HEATR6: variants seen among roughly 807,000 people sequenced by gnomAD.
HEATR6 encodes HEAT repeat containing 6.
Under a neutral mutation model 132.8 loss-of-function variants are expected in HEATR6, and 106 were observed. The observed-to-expected ratio is 0.80, with a 90% confidence interval of 0.68 to 0.94. The LOEUF is 0.94. HEATR6 is among the 40% of genes least tolerant of loss of function. The pLI is 0.00. For synonymous variants in HEATR6, 529 were observed against 537.8 expected, an observed-to-expected ratio of 0.98 and a Z score of 0.23; for missense variants, 1,339 against 1,425.1, an observed-to-expected ratio of 0.94 and a Z score of 0.97.
intron 14 of HEATR6, among the ~76,000 whole-genome samples, chr17:60,051,558 G>T (rs1237172677): frequency 6.6e-6 from 1 of 152,160 alleles, no homozygotes; most frequent in African/African-American, 2.4e-5. Context: ...GCAGGGCCTG[G>T]TACACAGTGG....
chr17:60,049,790 T>C (rs1722607794), intron 15 of HEATR6, 88 bp from the exon 16 acceptor site: 2 of 1,448,508 alleles, frequency 1.4e-6, no homozygotes, highest in Non-Finnish European at 1.9e-6. Context: ...TATCTGTGTC[T>C]GAGACCATAA....
intron 11 of HEATR6, among the ~76,000 whole-genome samples, chr17:60,057,985 G>C (rs1445942720): frequency 6.6e-6 from 1 of 152,016 alleles, no homozygotes; most frequent in Non-Finnish European, 1.5e-5. Context: ...TCTCTTCCTT[G>C]GCCAGTATCA....
chr17:60,050,319 C>T (rs1906536154), intron 15 of HEATR6, among the ~76,000 whole-genome samples: 1 of 152,150 alleles, frequency 6.6e-6, no homozygotes, highest in African/African-American at 2.4e-5. Context: ...TTCCAGCCTC[C>T]AGAACTATGA....
chr17:60,041,441 A>AT lies in HEATR6; in HGVS notation c.*2121dup, dbSNP rs948501086. 7.9e-4 allele frequency among the ~76,000 whole-genome samples: 118 copies of AT among 150,312 alleles called. No individual in the cohort carries two copies. The highest frequency in any genetic ancestry group is 1.4e-3 in the African/African-American group (59 of 41,060). ...CACAGTAATAAGCTGTCTATGCCAT[A>AT]TTTTTTTTTTCCTTTTTTGAAAATG... On this transcript the variant is annotated 3_prime_UTR_variant, in exon 20 of 20. Transcript: ENST00000184956.
intron 13 of HEATR6, 122 bp from the exon 14 acceptor site, chr17:60,055,723 A>G: frequency 1.7e-6 from 1 of 592,212 alleles, no homozygotes; most frequent in Non-Finnish European, 2.9e-6. Flanking sequence ...TAACACCTTC[A>G]CTCGAGTGAC....
At position 60,060,081 on chromosome 17, in the gene HEATR6, G is replaced by A; in HGVS notation, c.1432C>T (p.Leu478=). Residue 478 remains leucine (L), a synonymous_variant, in exon 10 of 20, where the codon CTG becomes TTG. Coordinates refer to ENST00000184956, the MANE Select transcript of HEATR6 (RefSeq NM_022070.5). ...TCCAAGATGGCAGATAAAACTTGCA[G>A]AGCACAGGCACGTGTCTGAAATTTC... ...DPSPKTRACA[L]QVLSAILEGS... 1 of 1,613,808 alleles carries A rather than the reference G, an allele frequency of 6.2e-7. No homozygotes were observed. Among genetic ancestry groups the A allele is most frequent in the Non-Finnish European group, 8.5e-7 (1 of 1,179,802 alleles).
intron 9 of HEATR6, 41 bp downstream of exon 9, chr17:60,066,164 AATTT>A: frequency 6.7e-7 from 1 of 1,487,568 alleles, no homozygotes; most frequent in South Asian, 1.2e-5. Context: ...AGGATCTGTA[AATTT>A]TTTCTTCCTA....
chr17:60,069,856 T>C lies in HEATR6; in HGVS notation c.802-8A>G. The C allele has an allele frequency of 3.7e-6, 6 of 1,613,420 alleles. No homozygotes were observed. Among genetic ancestry groups the C allele is most frequent in the Non-Finnish European group, 5.1e-6 (6 of 1,179,794 alleles). ...TCCGTGAAACATGAATTTCTAATAA[T>C]GATGAATAAGGACACACACACACAC... is the stretch of plus-strand genomic sequence containing the variant. On this transcript the variant is annotated splice_polypyrimidine_tract_variant and splice_region_variant and intron_variant, in intron 6 of 19. Coordinates refer to ENST00000184956, the MANE Select transcript of HEATR6 (RefSeq NM_022070.5).
chr17:60,059,919 A>G lies in HEATR6; in HGVS notation c.1594T>C (p.Ser532Pro), dbSNP rs1398940904. The change falls in exon 10 of 20, where the codon TCC (serine) becomes CCC (proline). Residue 532 changes from serine to proline, a missense_variant. Coordinates refer to ENST00000184956, the MANE Select transcript of HEATR6 (RefSeq NM_022070.5). ...ATTATCTGAGTAACGGTCTGTGAGG[A>G]TGACTCCGCCACCAAAGCTAACAAA... ...CLLLALVAESSSQTVTQIIKC... is the reference protein window; with the variant it reads ...CLLLALVAESPSQTVTQIIKC... 2.5e-6 allele frequency: 4 copies of G among 1,613,622 alleles called. No homozygotes were observed. The highest frequency in any genetic ancestry group is 3.4e-6 in the Non-Finnish European group (4 of 1,179,762).
At chr17:60,068,306 T>C (rs72840348) in intron 7 of HEATR6, among the ~76,000 whole-genome samples, 15,315 of 151,948 alleles carry the variant, frequency 0.1, 1,035 homozygotes, top group African/African-American at 0.19. Context: ...AGCCAGTTTC[T>C]TTCTTTCTCC....
intron 14 of HEATR6, among the ~76,000 whole-genome samples, chr17:60,052,783 A>G (rs1906624903): frequency 6.6e-6 from 1 of 152,184 alleles, no homozygotes; most frequent in African/African-American, 2.4e-5. Context: ...TGGAACTGGC[A>G]CAGTGTAGGG....
At chr17:60,058,825 C>G (rs1256524142) in intron 11 of HEATR6, among the ~76,000 whole-genome samples, 2 of 152,168 alleles carry the variant, frequency 1.3e-5, no homozygotes, top group Non-Finnish European at 2.9e-5. Context: ...AAACTGAACT[C>G]ATCAGAATGT....
chr17:60,074,076 G>A, intron 2 of HEATR6, 190 bp from the exon 3 acceptor site: 1 of 1,287,114 alleles, frequency 7.8e-7, no homozygotes, highest in Non-Finnish European at 9.8e-7. Flanking sequence ...CCACCCCAAG[G>A]TCTTGCTCAC....
chr17:60,075,446 T>C (rs560419627), intron 2 of HEATR6, among the ~76,000 whole-genome samples: 39 of 152,350 alleles, frequency 2.6e-4, no homozygotes, highest in African/African-American at 8.4e-4. Context: ...CTAGTTGATA[T>C]GTTTTGTGCT....
chr17:60,045,354 TGA>T (rs1176323225), intron 19 of HEATR6, among the ~76,000 whole-genome samples: 3 of 152,128 alleles, frequency 2.0e-5, no homozygotes, highest in Non-Finnish European at 4.4e-5. Context: ...GTCTCAGATC[TGA>T]GAGAGAGAGA....
intron 15 of HEATR6, among the ~76,000 whole-genome samples, chr17:60,049,989 C>T (rs1269853116): frequency 4.6e-5 from 7 of 152,178 alleles, no homozygotes; most frequent in African/African-American, 1.7e-4. Flanking sequence ...GCAAATGTCA[C>T]TGAGGACCAA....
chr17:60,061,297 G>A (rs570646248), intron 9 of HEATR6, among the ~76,000 whole-genome samples: 46 of 152,340 alleles, frequency 3.0e-4, no homozygotes, highest in African/African-American at 1.1e-3. Flanking sequence ...CTTTTATAGA[G>A]TGGAGTCGTA....
At position 60,042,301 on chromosome 17, in the gene HEATR6, A is replaced by G. The variant is rs1906194309; in HGVS notation, c.*1262T>C. Among the ~76,000 whole-genome samples, 1 of 152,274 alleles carries G rather than the reference A, an allele frequency of 6.6e-6. No homozygotes were observed. Among genetic ancestry groups the G allele is most frequent in the African/African-American group, 2.4e-5 (1 of 41,506 alleles). On this transcript the variant is annotated 3_prime_UTR_variant, in exon 20 of 20. Transcript: ENST00000184956. ...GGAAGGTGGTCAGGGGAACACGGGC[A>G]CTCCAGAAGCTCGGAGCAGCAGCTC...
intron 15 of HEATR6, among the ~76,000 whole-genome samples, chr17:60,050,595 C>G (rs1315087508): frequency 6.6e-6 from 1 of 152,160 alleles, no homozygotes; most frequent in African/African-American, 2.4e-5. Flanking sequence ...TCTCTGCCTT[C>G]CAAGCTTCTT....
Sources: gnomAD v4.1 joint callset for allele counts (sites outside exome capture counted in the v4.1 genomes callset) on GRCh38, gnomAD v4.1.1 for gene constraint, MANE v1.5 for transcripts, NCBI Gene and HGNC (gene_info 2026-07-23, HGNC 2026-07-21) for gene names.